Variants in PTPRC observed in about 807,000 individuals in gnomAD.
PTPRC encodes the protein protein tyrosine phosphatase receptor type C.
A neutral mutation model predicts 155.9 loss-of-function variants in PTPRC; 44 were observed. The ratio of observed to expected loss-of-function variants is 0.28; its 90% CI spans 0.22 to 0.36. The LOEUF (loss-of-function observed/expected upper bound fraction) is 0.36. PTPRC is among the 10% of genes least tolerant of loss of function. The probability of loss-of-function intolerance (pLI) is 1.00; values close to 1 mark genes in which losing one functional copy is unlikely to be tolerated. For synonymous variants in PTPRC, 525 were observed against 533.1 expected (o/e 0.98, Z 0.21); for missense variants, 1,401 against 1,564.6 (o/e 0.90, Z 1.76).
At chr1:198,653,338 G>A (rs1328761714) in intron 2 of PTPRC, among the ~76,000 whole-genome samples, 1 of 151,664 alleles carries the variant, frequency 6.6e-6, no homozygotes, top group Non-Finnish European at 1.5e-5. Flanking sequence ...TACTGTTTAA[G>A]CATTTGAAAA....
intron 2 of PTPRC, among the ~76,000 whole-genome samples, chr1:198,688,077 G>T (rs1416199738): frequency 1.3e-5 from 2 of 151,262 alleles, no homozygotes. Flanking sequence ...ATGGTGTGTG[G>T]GGTGTGTGTG....
intron 2 of PTPRC, among the ~76,000 whole-genome samples, chr1:198,676,950 A>G (rs909847722): frequency 2.0e-5 from 3 of 152,198 alleles, no homozygotes; most frequent in Non-Finnish European, 4.4e-5. Flanking sequence ...ATAATTAACA[A>G]TAAAATAAGA....
chr1:198,735,068 T>G, intron 22 of PTPRC, 59 bp from the exon 23 acceptor site: 1 of 1,425,808 alleles, frequency 7.0e-7, no homozygotes, highest in Admixed American at 2.1e-5. Context: ...TAAAGAAAGT[T>G]TGATAAAAAA....
chr1:198,679,745 G>T, intron 2 of PTPRC: 1 of 419,600 alleles, frequency 2.4e-6, no homozygotes, highest in South Asian at 6.4e-5. Context: ...GAGATGACTG[G>T]GCCACTGCTA....
chr1:198,742,401 T>G (rs1654945262), intron 25 of PTPRC, 34 bp downstream of exon 25: 1 of 1,609,902 alleles, frequency 6.2e-7, no homozygotes, highest in East Asian at 2.2e-5. Context: ...ATTCTCACTT[T>G]GGTTTTTTGG....
chr1:198,748,089 GTTT>G lies in PTPRC; in HGVS notation c.2848-6_2848-4del, dbSNP rs57296163. 1.5e-3 allele frequency: 2,216 copies of G among 1,471,708 alleles called. 5 individuals carry two copies. Among genetic ancestry groups the G allele is most frequent in the African/African-American group, 0.014 (899 of 66,182 alleles). 91.2% of individuals were successfully genotyped at this position (1,471,708 alleles called of 1,614,324 possible). A position where few individuals can be genotyped will look rare whatever the true frequency, so the allele number is the denominator to read the frequency against. ...ATTTACATTTTAAAGGAGTTTTTCT[GTTT>G]TTTTTTTTTTTTTCAGAGACTTCCT... On this transcript the variant is annotated splice_polypyrimidine_tract_variant and intron_variant, in intron 26 of 32. Transcript: ENST00000442510.
chr1:198,739,362 G>GACTT (rs1446272969), intron 23 of PTPRC, among the ~76,000 whole-genome samples: 2 of 151,684 alleles, frequency 1.3e-5, no homozygotes, highest in Non-Finnish European at 2.9e-5. Flanking sequence ...GACACAAATA[G>GACTT]ACTTAAAATA....
At chr1:198,748,905 T>C (rs1346953009) in intron 27 of PTPRC, among the ~76,000 whole-genome samples, 1 of 151,698 alleles carries the variant, frequency 6.6e-6, no homozygotes, top group Non-Finnish European at 1.5e-5. Context: ...GATGGTGATA[T>C]GGTTAATCAA....
intron 8 of PTPRC, among the ~76,000 whole-genome samples, chr1:198,706,201 G>T (rs1349397340): frequency 6.6e-6 from 1 of 152,160 alleles, no homozygotes; most frequent in Non-Finnish European, 1.5e-5. Context: ...AAGGTGCTTT[G>T]GAGGTATATT....
Position 198,756,834 on chromosome 1 carries a change from C to CTTAT in PTPRC, c.*657_*660dup, listed in dbSNP as rs927377020. On this transcript the variant is annotated 3_prime_UTR_variant, in exon 33 of 33. Coordinates refer to ENST00000442510, the MANE Select transcript of PTPRC (RefSeq NM_002838.5). ...GCATTTAGTCCAATGTCTTTTTAAG[C>CTTAT]TTATTTAATTAAAAAATTTCCAGTG... 9 of 151,834 alleles carry CTTAT rather than the reference C, an allele frequency of 5.9e-5. No individual in the cohort carries two copies. The highest frequency in any genetic ancestry group is 1.2e-4 in the Non-Finnish European group (8 of 67,886). The allele number at this position is 151,834 out of a possible 1,614,324, so 9.4% of individuals were successfully genotyped here.
chr1:198,731,050 T>A (rs757127120), intron 17 of PTPRC, among the ~76,000 whole-genome samples: 49 of 152,104 alleles, frequency 3.2e-4, no homozygotes, highest in Admixed American at 1.2e-3. Flanking sequence ...GTATACTTTT[T>A]AATCTTCAGT....
At position 198,732,419 on chromosome 1, in the gene PTPRC, A is replaced by G. The variant is rs1286569766; in HGVS notation, c.2065+29A>G. The stretch of plus-strand genomic sequence containing the variant: ...AGTATTTATTGAGTGCTGAATTCCC[A>G]TATATTAGGCTACTTGATTATTCAC... On this transcript the variant is annotated intron_variant, in intron 19 of 32. Coordinates refer to ENST00000442510, the MANE Select transcript of PTPRC (RefSeq NM_002838.5). The G allele has an allele frequency of 3.1e-6, 5 of 1,599,416 alleles. No homozygotes were observed. The African/African-American group carries it at 6.7e-5, about 21-fold the overall frequency.
At chr1:198,688,439 C>G (rs959527363) in intron 2 of PTPRC, among the ~76,000 whole-genome samples, 7 of 152,076 alleles carry the variant, frequency 4.6e-5, no homozygotes, top group Non-Finnish European at 1.0e-4. Flanking sequence ...ATTATTCTGT[C>G]CTCTAGCTCC....
At chr1:198,710,575 T>C (rs1285601569) in intron 11 of PTPRC, among the ~76,000 whole-genome samples, 1 of 152,224 alleles carries the variant, frequency 6.6e-6, no homozygotes, top group Non-Finnish European at 1.5e-5. Flanking sequence ...ACAAGATATC[T>C]TTCCATTAAT....
intron 2 of PTPRC, among the ~76,000 whole-genome samples, chr1:198,642,738 A>G (rs1246306167): frequency 6.6e-6 from 1 of 151,744 alleles, no homozygotes; most frequent in South Asian, 2.1e-4. Context: ...CCTTTTTTTA[A>G]TGTAATCTAC....
At chr1:198,730,050 GT>G (rs1654318411) in intron 17 of PTPRC, among the ~76,000 whole-genome samples, 1 of 152,006 alleles carries the variant, frequency 6.6e-6, no homozygotes, top group East Asian at 1.9e-4. Context: ...AAACACATTT[GT>G]TTATCTTTTT....
chr1:198,718,294 A>C lies in PTPRC; in HGVS notation c.1651A>C (p.Thr551Pro), dbSNP rs973848863. The change falls in exon 14 of 33, where the codon ACT becomes CCT. Residue 551 changes from threonine (T) to proline (P), a missense_variant. Coordinates refer to ENST00000442510, the MANE Select transcript of PTPRC (RefSeq NM_002838.5). ...AGATCTTCAATATTCAACAGACTAC[A>C]CTTTTAAGGTAAAAGTATGCTCTCT... is the stretch of plus-strand genomic sequence containing the variant. ...VKDLQYSTDY[T>P]FKAYFHNGDY... is the part of the protein sequence containing the mutation. 1 of 1,610,962 alleles carries C rather than the reference A, an allele frequency of 6.2e-7. No homozygotes were observed. Among genetic ancestry groups the C allele is most frequent in the African/African-American group, 1.3e-5 (1 of 74,870 alleles).
In PTPRC at chr1:198,732,515, G is replaced by A. The variant is rs1448955102; in HGVS notation, c.2101G>A (p.Gly701Arg). The stretch of plus-strand genomic sequence containing the variant: ...CCGTGTTGAACTCTCTGAGATAAAC[G>A]GAGATGCAGGGTCAAACTACATAAA... Reference protein sequence around the residue: ...YNRVELSEINGDAGSNYINAS... With the variant: ...YNRVELSEINRDAGSNYINAS... Residue 701 changes from glycine to arginine, a missense_variant, in exon 20 of 33, where the codon GGA becomes AGA. Physicochemically the swap from Gly to Arg is moderately radical, Grantham distance 125. Around this residue, in one of 3 missense-constraint regions of PTPRC, gnomAD observed 867 missense variants for 970.4 expected, o/e 0.89. Transcript: ENST00000442510. 9.3e-6 allele frequency: 15 copies of A among 1,610,744 alleles called. No individual in the cohort carries two copies. The highest frequency in any genetic ancestry group is 6.7e-5 in the East Asian group (3 of 44,716).
At chr1:198,755,481 A>G (rs1571899348) in intron 32 of PTPRC, among the ~76,000 whole-genome samples, 1 of 144,788 alleles carries the variant, frequency 6.9e-6, no homozygotes, top group Admixed American at 7.0e-5. Flanking sequence ...TGTAGTGAGT[A>G]AAATGACAGA....
Sources: allele counts gnomAD v4.1 joint callset (sites outside exome capture counted in the v4.1 genomes callset), GRCh38; gene constraint gnomAD v4.1.1; regional missense constraint gnomAD v4.1.1; transcripts MANE v1.5; gene names NCBI Gene and HGNC (gene_info 2026-07-23, HGNC 2026-07-21).